COL22A1: variants seen among roughly 807,000 people sequenced by gnomAD.
The protein encoded by COL22A1 is collagen alpha-1(XXII) chain.
COL22A1 carries 221 observed loss-of-function variants against 248.9 expected under a neutral mutation model. The ratio of observed to expected loss-of-function variants is 0.89; its 90% CI spans 0.80 to 0.99. The LOEUF (loss-of-function observed/expected upper bound fraction) is 0.99. COL22A1 is among the 50% of genes least tolerant of loss of function. The pLI, the probability that COL22A1 is intolerant of heterozygous loss-of-function variation, is 0.00. For missense variants in COL22A1, 2,240 were observed against 2,179.0 expected, an observed-to-expected ratio of 1.03 and a Z score of -0.56; for synonymous variants, 891 against 793.4, an observed-to-expected ratio of 1.12 and a Z score of -2.07.
intron 18 of COL22A1, 110 bp from the exon 19 acceptor site, chr8:138,755,939 G>A: frequency 2.3e-6 from 2 of 857,500 alleles, no homozygotes; most frequent in Non-Finnish European, 3.9e-6. Flanking sequence ...ACCCCTCCCT[G>A]TGCACCACCA....
intron 3 of COL22A1, among the ~76,000 whole-genome samples, chr8:138,848,336 A>T (rs1327382350): frequency 6.6e-6 from 1 of 152,190 alleles, no homozygotes; most frequent in Non-Finnish European, 1.5e-5. Context: ...GTATCTCTTC[A>T]CACAGCATGC....
intron 3 of COL22A1, among the ~76,000 whole-genome samples, chr8:138,854,025 A>G (rs7833411): frequency 0.52 from 79,602 of 151,660 alleles, 21,353 homozygotes; most frequent in East Asian, 0.74. Context: ...GAACCCCTTA[A>G]ATGAGCAGGA....
intron 2 of COL22A1, among the ~76,000 whole-genome samples, chr8:138,879,383 G>A (rs979574814): frequency 5.3e-5 from 8 of 152,044 alleles, no homozygotes; most frequent in Non-Finnish European, 1.2e-4. Context: ...AAATATACAA[G>A]GAACTATCAA....
chr8:138,700,769 G>A (rs1256545377), intron 31 of COL22A1, among the ~76,000 whole-genome samples: 1 of 152,122 alleles, frequency 6.6e-6, no homozygotes, highest in African/African-American at 2.4e-5. Flanking sequence ...CGGATCACGA[G>A]GTCAGGAGAT....
chr8:138,694,611 CA>C, intron 33 of COL22A1, 50 bp from the exon 34 acceptor site: 1 of 1,592,958 alleles, frequency 6.3e-7, no homozygotes, highest in Non-Finnish European at 8.6e-7. Flanking sequence ...TGGTTCTGAG[CA>C]GATGGGCGGA....
At chr8:138,886,023 C>T (rs1451358367) in intron 1 of COL22A1, among the ~76,000 whole-genome samples, 1 of 152,130 alleles carries the variant, frequency 6.6e-6, no homozygotes, top group South Asian at 2.1e-4. Context: ...CCCACAGACT[C>T]CCATCTCTTT....
intron 31 of COL22A1, among the ~76,000 whole-genome samples, chr8:138,700,951 CTCCA>C (rs1446653385): frequency 1.4e-5 from 2 of 145,916 alleles, no homozygotes; most frequent in South Asian, 2.2e-4. Context: ...CGCCACTGCA[CTCCA>C]TCCAGCCTGG....
At chr8:138,897,538 A>C (rs1230673087) in intron 1 of COL22A1, among the ~76,000 whole-genome samples, 2 of 134,228 alleles carry the variant, frequency 1.5e-5, no homozygotes, top group Non-Finnish European at 3.2e-5. Flanking sequence ...ACAGAGCGAG[A>C]CTCTGTCTCA....
intron 32 of COL22A1, 97 bp from the exon 33 acceptor site, chr8:138,694,976 A>T (rs1286222201): frequency 7.0e-6 from 8 of 1,141,044 alleles, no homozygotes; most frequent in Admixed American, 4.3e-5. Flanking sequence ...GGCCACCTCC[A>T]GTCCTGTGTA....
intron 9 of COL22A1, among the ~76,000 whole-genome samples, chr8:138,810,739 C>G (rs186569909): frequency 2.6e-5 from 4 of 152,268 alleles, no homozygotes; most frequent in Admixed American, 6.5e-5. Context: ...TGAAGGAGAA[C>G]AGAGGAGAGG....
intron 22 of COL22A1, among the ~76,000 whole-genome samples, chr8:138,750,711 T>G (rs1832520782): frequency 6.6e-6 from 1 of 152,168 alleles, no homozygotes. Flanking sequence ...CCTGTGGCCC[T>G]CAGATTGTTA....
At chr8:138,783,105 C>T (rs565924621) in intron 12 of COL22A1, among the ~76,000 whole-genome samples, 16 of 152,164 alleles carry the variant, frequency 1.1e-4, no homozygotes, top group Non-Finnish European at 2.1e-4. Flanking sequence ...GGGGATGTCT[C>T]CAGCAAGGAA....
intron 5 of COL22A1, among the ~76,000 whole-genome samples, chr8:138,830,480 G>A (rs1379989071): frequency 6.6e-6 from 1 of 152,152 alleles, no homozygotes; most frequent in Non-Finnish European, 1.5e-5. Context: ...ATCCTTTCTT[G>A]AAATGAAAGA....
chr8:138,911,033 T>G (rs559900680), intron 1 of COL22A1, among the ~76,000 whole-genome samples: 4 of 152,194 alleles, frequency 2.6e-5, no homozygotes, highest in Non-Finnish European at 5.9e-5. Flanking sequence ...TTGCAGTATC[T>G]CAAGCTAGGA....
chr8:138,832,309 C>T (rs1820106508), intron 5 of COL22A1, among the ~76,000 whole-genome samples: 1 of 152,118 alleles, frequency 6.6e-6, no homozygotes, highest in Non-Finnish European at 1.5e-5. Context: ...TTTCACTTTG[C>T]ACCGTGGACT....
At chr8:138,880,362 G>GTGTA (rs1469256517) in intron 2 of COL22A1, among the ~76,000 whole-genome samples, 9 of 152,206 alleles carry the variant, frequency 5.9e-5, no homozygotes, top group Non-Finnish European at 1.0e-4. Flanking sequence ...ACGCGCGATT[G>GTGTA]TGTATGTATG....
intron 7 of COL22A1, among the ~76,000 whole-genome samples, chr8:138,816,259 T>G (rs1441527798): frequency 6.6e-6 from 1 of 152,112 alleles, no homozygotes; most frequent in Non-Finnish European, 1.5e-5. Flanking sequence ...AGAGGTCCTC[T>G]GAGCCAAGAG....
chr8:138,868,105 A>T (rs1823043085), intron 3 of COL22A1, among the ~76,000 whole-genome samples: 1 of 152,186 alleles, frequency 6.6e-6, no homozygotes, highest in African/African-American at 2.4e-5. Flanking sequence ...TCGAAAGACT[A>T]GCTTGTCAAA....
chr8:138,716,216 G>C lies in COL22A1; in HGVS notation c.2463+11C>G. The C allele has an allele frequency of 3.2e-6, 5 of 1,574,138 alleles. No homozygotes were observed. Among genetic ancestry groups the C allele is most frequent in the Non-Finnish European group, 4.3e-6 (5 of 1,157,102 alleles). ...GTTCCTGTGTGGGAGGAAGGAAGCT[G>C]CCACACTTACCTGGTCTCCTTTCTC... is the stretch of plus-strand genomic sequence containing the variant. On this transcript the variant is annotated intron_variant, in intron 29 of 64. Transcript: ENST00000303045.
Sources: allele counts gnomAD v4.1 joint callset (sites outside exome capture counted in the v4.1 genomes callset), GRCh38; gene constraint gnomAD v4.1.1; transcripts MANE v1.5; gene names NCBI Gene and HGNC (gene_info 2026-07-23, HGNC 2026-07-21).